The following AGBL4 variants were observed in gnomAD, a reference collection of about 807,000 sequenced individuals.
AGBL4 encodes AGBL carboxypeptidase 4.
Under a neutral mutation model 66.4 loss-of-function variants are expected in AGBL4, and 58 were observed. The observed-to-expected ratio is 0.87, with a 90% confidence interval of 0.71 to 1.09. The LOEUF (loss-of-function observed/expected upper bound fraction) is 1.09. AGBL4 is among the 50% of genes least tolerant of loss of function. The pLI is 0.00. For synonymous variants in AGBL4, 234 were observed against 222.9 expected, an observed-to-expected ratio of 1.05 and a Z score of -0.44; for missense variants, 579 against 631.0, an observed-to-expected ratio of 0.92 and a Z score of 0.88.
intron 5 of AGBL4, among the ~76,000 whole-genome samples, chr1:49,044,238 C>G (rs1369296102): frequency 1.3e-5 from 2 of 152,104 alleles, no homozygotes; most frequent in Non-Finnish European, 2.9e-5. Flanking sequence ...TGGCTCACAT[C>G]TGTAATCCCA....
At chr1:49,982,826 G>C (rs568668346) in intron 1 of AGBL4, among the ~76,000 whole-genome samples, 1 of 151,760 alleles carries the variant, frequency 6.6e-6, no homozygotes, top group Non-Finnish European at 1.5e-5. Context: ...GTATCCAGAC[G>C]ACCAGCTATG....
intron 3 of AGBL4, among the ~76,000 whole-genome samples, chr1:49,638,140 C>G (rs75882143): frequency 6.6e-6 from 1 of 152,112 alleles, no homozygotes; most frequent in Non-Finnish European, 1.5e-5. Flanking sequence ...ATTCCCTGAA[C>G]GCTATCTATG....
At chr1:49,052,212 G>A (rs779999851) in intron 4 of AGBL4, among the ~76,000 whole-genome samples, 1 of 152,014 alleles carries the variant, frequency 6.6e-6, no homozygotes, top group Non-Finnish European at 1.5e-5. Flanking sequence ...GTTTGGAGCT[G>A]AGGAATAGCT....
At chr1:48,696,689 C>A (rs530599923) in intron 6 of AGBL4, among the ~76,000 whole-genome samples, 18 of 152,284 alleles carry the variant, frequency 1.2e-4, no homozygotes, top group Admixed American at 1.1e-3. Flanking sequence ...CCAGGAGGGG[C>A]TTCACTCAGC....
intron 1 of AGBL4, among the ~76,000 whole-genome samples, chr1:49,962,610 G>T (rs965379339): frequency 6.6e-6 from 1 of 152,096 alleles, no homozygotes; most frequent in African/African-American, 2.4e-5. Context: ...TACTTAGTGA[G>T]ATCTTACTAT....
intron 6 of AGBL4, among the ~76,000 whole-genome samples, chr1:48,708,734 G>C (rs1444615716): frequency 6.6e-6 from 1 of 152,170 alleles, no homozygotes; most frequent in Non-Finnish European, 1.5e-5. Flanking sequence ...TCCAAAATAC[G>C]ATAGCCTCTG....
At chr1:49,000,753 C>T (rs1197992612) in intron 5 of AGBL4, among the ~76,000 whole-genome samples, 1 of 152,118 alleles carries the variant, frequency 6.6e-6, no homozygotes, top group African/African-American at 2.4e-5. Context: ...ATAACCACTG[C>T]ATATTATAGG....
rs371461074 is a variant in AGBL4 at position 48,561,255 on chromosome 1, TTCCTTCCC to T, written c.1268-21525_1268-21518del. On this transcript the variant is annotated intron_variant, in intron 11 of 13. Transcript: ENST00000371839. ...TTTTTCCTTCTTTCTCTTTCCTTCC[TTCCTTCCC>T]TCCTTCCCTTCCCTTCTCTTCCTTC... Among the ~76,000 whole-genome samples the T allele has an allele frequency of 4.5e-3, 685 of 152,290 alleles. 5 individuals carry two copies. The highest frequency in any genetic ancestry group is 0.016 in the African/African-American group (656 of 41,540).
intron 2 of AGBL4, among the ~76,000 whole-genome samples, chr1:49,810,609 CA>C (rs1230058474): frequency 2.6e-5 from 4 of 151,760 alleles, no homozygotes; most frequent in African/African-American, 7.3e-5. Flanking sequence ...GAAAAAACAG[CA>C]AAAAACATGT....
At chr1:49,458,919 C>T (rs1646448874) in intron 3 of AGBL4, among the ~76,000 whole-genome samples, 1 of 151,752 alleles carries the variant, frequency 6.6e-6, no homozygotes, top group African/African-American at 2.4e-5. Context: ...GCCACTTGAT[C>T]ATGGAGGATT....
chr1:49,887,202 T>C (rs139536280), intron 1 of AGBL4, among the ~76,000 whole-genome samples: 13 of 150,100 alleles, frequency 8.7e-5, no homozygotes, highest in Admixed American at 8.0e-4. Context: ...TGTATGTATA[T>C]ATATATACAT....
chr1:48,893,208 G>A (rs1308859399), intron 5 of AGBL4, among the ~76,000 whole-genome samples: 1 of 152,126 alleles, frequency 6.6e-6, no homozygotes, highest in Non-Finnish European at 1.5e-5. Flanking sequence ...GGAGGTAGAG[G>A]AGAGAATCTA....
At chr1:48,751,510 G>A (rs1651726006) in intron 6 of AGBL4, among the ~76,000 whole-genome samples, 1 of 152,166 alleles carries the variant, frequency 6.6e-6, no homozygotes. Context: ...TAATCTCTCT[G>A]AGCCTGTTTT....
chr1:49,866,115 G>A (rs1045727363), intron 1 of AGBL4, among the ~76,000 whole-genome samples: 2 of 152,124 alleles, frequency 1.3e-5, no homozygotes, highest in African/African-American at 2.4e-5. Context: ...TATATAAAAG[G>A]AGCAACTCTA....
At chr1:49,270,059 C>A (rs1644020745) in intron 3 of AGBL4, among the ~76,000 whole-genome samples, 1 of 152,168 alleles carries the variant, frequency 6.6e-6, no homozygotes, top group Non-Finnish European at 1.5e-5. Context: ...TAAAAAATCA[C>A]TGTCTCTTTT....
intron 3 of AGBL4, among the ~76,000 whole-genome samples, chr1:49,608,855 T>G (rs1244076494): frequency 6.6e-6 from 1 of 152,188 alleles, no homozygotes; most frequent in Non-Finnish European, 1.5e-5. Flanking sequence ...GATATATTCT[T>G]TATAGATACT....
At chr1:48,840,208 T>G (rs960254019) in intron 6 of AGBL4, among the ~76,000 whole-genome samples, 1 of 152,164 alleles carries the variant, frequency 6.6e-6, no homozygotes, top group African/African-American at 2.4e-5. Context: ...CCACTTCTCC[T>G]GGCTTAAATC....
intron 3 of AGBL4, among the ~76,000 whole-genome samples, chr1:49,348,223 C>T (rs1423271577): frequency 2.0e-5 from 3 of 151,980 alleles, no homozygotes; most frequent in African/African-American, 7.3e-5. Flanking sequence ...TTGAGACCAT[C>T]CTGGTTAACA....
intron 3 of AGBL4, among the ~76,000 whole-genome samples, chr1:49,555,241 T>C (rs1487791316): frequency 2.0e-5 from 3 of 151,460 alleles, no homozygotes; most frequent in Non-Finnish European, 4.4e-5. Flanking sequence ...GAGTGCTGAT[T>C]GGTGCATTGA....
Sources: gnomAD v4.1 joint callset for allele counts (sites outside exome capture counted in the v4.1 genomes callset) on GRCh38, gnomAD v4.1.1 for gene constraint, MANE v1.5 for transcripts, NCBI Gene and HGNC (gene_info 2026-07-23, HGNC 2026-07-21) for gene names.